PARD3B: variants seen among roughly 807,000 people sequenced by gnomAD.
PARD3B encodes the protein partitioning defective 3 homolog B.
In PARD3B, 103 loss-of-function variants were observed where a neutral mutation model predicts 130.2. The ratio of observed to expected loss-of-function variants is 0.79; its 90% CI spans 0.67 to 0.93. PARD3B has a LOEUF of 0.93. PARD3B is among the 40% of genes least tolerant of loss of function. The pLI, the probability that PARD3B is intolerant of heterozygous loss-of-function variation, is 0.00. For synonymous variants in PARD3B, 583 were observed against 553.2 expected (o/e 1.05, Z -0.76); for missense variants, 1,609 against 1,499.2 (o/e 1.07, Z -1.21).
chr2:205,023,557 G>GT (rs1696792402), intron 3 of PARD3B, among the ~76,000 whole-genome samples: 2 of 55,616 alleles, frequency 3.6e-5, no homozygotes, highest in Non-Finnish European at 6.7e-5. Context: ...AAATCCCCCT[G>GT]TTTTTTTAAA....
At chr2:205,601,379 T>G (rs1043555587) in intron 22 of PARD3B, among the ~76,000 whole-genome samples, 1 of 152,218 alleles carries the variant, frequency 6.6e-6, no homozygotes, top group African/African-American at 2.4e-5. Context: ...TTTAAGTTCC[T>G]TATAGATTCT....
At chr2:205,047,553 A>C in intron 3 of PARD3B, 28 bp from the exon 4 acceptor site, 1 of 1,473,676 alleles carries the variant, frequency 6.8e-7, no homozygotes, top group Non-Finnish European at 9.3e-7. Context: ...GGTTCTTTTG[A>C]CCTCTCACCT....
chr2:205,347,799 CGTG>C lies in PARD3B; in HGVS notation c.2630+46100_2630+46102del, dbSNP rs2043847500. The C allele has an allele frequency of 2.0e-5, 3 of 152,168 alleles. No individual in the cohort carries two copies. In the South Asian group the frequency reaches 6.2e-4, roughly 32 times the overall value. The allele number at this position is 152,168 out of a possible 1,614,324, so 9.4% of individuals were successfully genotyped here. On this transcript the variant is annotated intron_variant, in intron 18 of 22. Coordinates refer to ENST00000406610, the MANE Select transcript of PARD3B (RefSeq NM_001302769.2). Reference sequence around the variant, plus strand: ...CCGGTTGCCTGGTGATTTAGGAAGACGTGGGGAGTATTTGTAAACAAAGGAAGC... The same window carrying C: ...CCGGTTGCCTGGTGATTTAGGAAGACGGGAGTATTTGTAAACAAAGGAAGC...
At chr2:204,724,871 C>T (rs2039155609) in intron 2 of PARD3B, among the ~76,000 whole-genome samples, 1 of 151,848 alleles carries the variant, frequency 6.6e-6, no homozygotes, top group African/African-American at 2.4e-5. Flanking sequence ...GACAGGATGG[C>T]TGTGGGTTAG....
intron 18 of PARD3B, among the ~76,000 whole-genome samples, chr2:205,342,871 T>G (rs974742423): frequency 2.6e-5 from 4 of 152,212 alleles, no homozygotes; most frequent in Admixed American, 6.5e-5. Context: ...ACAAGATTAA[T>G]TTAACGGAAA....
chr2:205,432,720 C>G (rs1342615159), intron 19 of PARD3B, among the ~76,000 whole-genome samples: 1 of 151,970 alleles, frequency 6.6e-6, no homozygotes, highest in African/African-American at 2.4e-5. Flanking sequence ...GGTCATACTA[C>G]TCACACTTCA....
At chr2:204,636,591 C>T (rs1372438631) in intron 1 of PARD3B, among the ~76,000 whole-genome samples, 3 of 151,956 alleles carry the variant, frequency 2.0e-5, no homozygotes, top group Non-Finnish European at 4.4e-5. Flanking sequence ...GCATGTACTT[C>T]CTAACTTTAC....
Position 205,599,478 on chromosome 2 carries a change from G to T in PARD3B, c.3261-15978G>T, listed in dbSNP as rs2054698074. On this transcript the variant is annotated intron_variant, in intron 22 of 22. Transcript: ENST00000406610. ...AACATGGCACCAACATTTGAGAAAA[G>T]GAAGTCTTTATTGCAAGACCAGACA... Among the ~76,000 whole-genome samples, 4 of 152,296 alleles carry T rather than the reference G, an allele frequency of 2.6e-5. 1 individual carries two copies. In the South Asian group the frequency reaches 8.3e-4, roughly 32 times the overall value.
At chr2:205,270,927 G>T (rs2105798020) in intron 16 of PARD3B, among the ~76,000 whole-genome samples, 1 of 152,218 alleles carries the variant, frequency 6.6e-6, no homozygotes, top group East Asian at 1.9e-4. Context: ...TGGCCTCAAA[G>T]GCTAGGAAGT....
At chr2:205,343,090 G>A (rs538098309) in intron 18 of PARD3B, among the ~76,000 whole-genome samples, 24 of 152,248 alleles carry the variant, frequency 1.6e-4, no homozygotes, top group African/African-American at 5.5e-4. Flanking sequence ...TATGTCTCAA[G>A]TCTGTTTATA....
intron 2 of PARD3B, among the ~76,000 whole-genome samples, chr2:204,962,496 G>C (rs908906023): frequency 6.6e-6 from 1 of 152,128 alleles, no homozygotes. Flanking sequence ...TAAAGGCAAG[G>C]AGGGAAGGCC....
intron 2 of PARD3B, among the ~76,000 whole-genome samples, chr2:204,941,484 A>G (rs1688901378): frequency 6.6e-6 from 1 of 152,174 alleles, no homozygotes; most frequent in Admixed American, 6.5e-5. Context: ...CAAATACTGG[A>G]ATTTTGTTTT....
intron 10 of PARD3B, among the ~76,000 whole-genome samples, chr2:205,152,547 G>A (rs1424540174): frequency 1.3e-5 from 2 of 152,086 alleles, no homozygotes; most frequent in Non-Finnish European, 1.5e-5. Context: ...TGATCGAATC[G>A]GCTACTGAAG....
intron 2 of PARD3B, among the ~76,000 whole-genome samples, chr2:204,929,904 T>C (rs189124432): frequency 8.1e-4 from 123 of 152,220 alleles, no homozygotes; most frequent in Middle Eastern, 3.4e-3. Context: ...TAACCTTTAA[T>C]TTAGTTGATA....
intron 16 of PARD3B, among the ~76,000 whole-genome samples, chr2:205,271,268 T>C (rs2040713949): frequency 6.6e-6 from 1 of 152,188 alleles, no homozygotes; most frequent in African/African-American, 2.4e-5. Flanking sequence ...TAGCAAAATA[T>C]CAGATTGCTA....
At chr2:204,860,623 G>A (rs1039958215) in intron 2 of PARD3B, among the ~76,000 whole-genome samples, 1 of 152,186 alleles carries the variant, frequency 6.6e-6, no homozygotes, top group Non-Finnish European at 1.5e-5. Context: ...CAAGGAAAGA[G>A]AAGAGTTGTT....
At chr2:204,672,562 T>C (rs1407898613) in intron 1 of PARD3B, among the ~76,000 whole-genome samples, 1 of 152,184 alleles carries the variant, frequency 6.6e-6, no homozygotes, top group Non-Finnish European at 1.5e-5. Context: ...AAATGCTTAC[T>C]CCCAATTTTT....
chr2:204,652,175 C>A (rs2035503094), intron 1 of PARD3B, among the ~76,000 whole-genome samples: 1 of 152,178 alleles, frequency 6.6e-6, no homozygotes, highest in African/African-American at 2.4e-5. Flanking sequence ...ACCCCCACCC[C>A]CGAAAATCAG....
chr2:205,584,461 T>C lies in PARD3B; in HGVS notation c.3261-30995T>C, dbSNP rs2054119269. ...AGGAGGCCGAGGCAGGCCGATCACC[T>C]GACGTCAGGAGTTCGAGACCAGGCT... On this transcript the variant is annotated intron_variant, in intron 22 of 22. Transcript: ENST00000406610. This position sits in a 1 kb window ranked among gnomAD's most constrained non-coding sequence, Gnocchi z 5.5. Among the ~76,000 whole-genome samples the C allele has an allele frequency of 6.6e-6, 1 of 152,154 alleles. No individual in the cohort carries two copies. The highest frequency in any genetic ancestry group is 2.1e-4 in the South Asian group (1 of 4,822).
Sources: gnomAD v4.1 joint callset for allele counts (sites outside exome capture counted in the v4.1 genomes callset) on GRCh38, gnomAD v4.1.1 for gene constraint, Gnocchi (gnomAD v3.1) non-coding constraint, MANE v1.5 for transcripts, NCBI Gene and HGNC (gene_info 2026-07-23, HGNC 2026-07-21) for gene names.